SOX6: variants seen among roughly 807,000 people sequenced by gnomAD.
The protein encoded by SOX6 is SRY-box transcription factor 6.
Under a neutral mutation model 97.8 loss-of-function variants are expected in SOX6, and 11 were observed. The ratio of observed to expected loss-of-function variants is 0.11; its 90% CI spans 0.07 to 0.19. The LOEUF is 0.19. Ranked by LOEUF, SOX6 falls within the 10% of genes least tolerant of loss-of-function variation. The pLI is 1.00. For missense variants in SOX6, 810 were observed against 1,039.5 expected, an observed-to-expected ratio of 0.78 and a Z score of 3.04; for synonymous variants, 360 against 371.4, an observed-to-expected ratio of 0.97 and a Z score of 0.35.
intron 1 of SOX6, among the ~76,000 whole-genome samples, chr11:16,470,589 T>C (rs1174737348): frequency 6.6e-6 from 1 of 152,144 alleles, no homozygotes; most frequent in Admixed American, 6.5e-5. Context: ...GAAGCGTCTC[T>C]ACAATCTCCT....
chr11:16,400,654 C>A (rs1323073756), intron 1 of SOX6, among the ~76,000 whole-genome samples: 1 of 151,316 alleles, frequency 6.6e-6, no homozygotes, highest in African/African-American at 2.4e-5. Context: ...ATGATCCAAT[C>A]TTGCAGAAAA....
At chr11:16,514,351 C>T (rs1471093023) in intron 4 of SOX6, among the ~76,000 whole-genome samples, 1 of 152,004 alleles carries the variant, frequency 6.6e-6, no homozygotes, top group East Asian at 1.9e-4. Context: ...AGTAGGTCAG[C>T]CCAAAAGAAA....
intron 9 of SOX6, among the ~76,000 whole-genome samples, chr11:16,092,262 C>T (rs1387820878): frequency 6.6e-6 from 1 of 151,760 alleles, no homozygotes; most frequent in Admixed American, 6.6e-5. Context: ...TTGGGGGGGA[C>T]AGGTTTGAAT....
At chr11:16,179,501 T>C (rs1476315227) in intron 6 of SOX6, among the ~76,000 whole-genome samples, 1 of 151,902 alleles carries the variant, frequency 6.6e-6, no homozygotes, top group East Asian at 1.9e-4. Context: ...TTTCAACATT[T>C]AAAAGAAAAA....
chr11:16,672,286 C>T (rs2134025006), intron 3 of SOX6, among the ~76,000 whole-genome samples: 1 of 152,268 alleles, frequency 6.6e-6, no homozygotes, highest in African/African-American at 2.4e-5. Context: ...AGGATCAAAC[C>T]CACACATATC....
rs887977261 is a variant in SOX6 at position 15,968,088 on chromosome 11, A to T, written c.*4721T>A. ...GATATGGCATCAGAAACAGAACATC[A>T]TTGGCAGGAATAACAGACAGAAGTT... On this transcript the variant is annotated 3_prime_UTR_variant, in exon 16 of 16. Transcript: ENST00000683767. 4.6e-5 allele frequency: 7 copies of T among 152,226 alleles called. No homozygotes were observed. Among genetic ancestry groups the T allele is most frequent in the African/African-American group, 1.4e-4 (6 of 41,462 alleles). 9.4% of individuals were successfully genotyped at this position (152,226 alleles called of 1,614,324 possible). A position where few individuals can be genotyped will look rare whatever the true frequency, so the allele number is the denominator to read the frequency against.
At chr11:16,567,176 G>A (rs1847881298) in intron 4 of SOX6, among the ~76,000 whole-genome samples, 1 of 152,210 alleles carries the variant, frequency 6.6e-6, no homozygotes, top group Non-Finnish European at 1.5e-5. Context: ...GAGTGAAAAT[G>A]TGTGGTGGGC....
chr11:15,972,938 G>T lies in SOX6; in HGVS notation c.2358C>A (p.Gly786=). The change falls in exon 16 of 16, where the codon GGC becomes GGA. Residue 786 remains glycine, a synonymous_variant. Transcript: ENST00000683767. The part of the protein sequence containing the change: ...IQSTYGMKTD[G]GSLAGNEMIN... ...TCATTTCATTTCCAGCTAGGCTTCCGCCATCTGTCTTCATACCATAAGTGC... is the reference window on the plus strand; with the variant it reads ...TCATTTCATTTCCAGCTAGGCTTCCTCCATCTGTCTTCATACCATAAGTGC... 5 of 1,614,098 alleles carry T rather than the reference G, an allele frequency of 3.1e-6. No homozygotes were observed. The South Asian group carries it at 4.4e-5, about 14-fold the overall frequency.
chr11:16,158,582 G>A (rs1850662429), intron 6 of SOX6, among the ~76,000 whole-genome samples: 1 of 151,990 alleles, frequency 6.6e-6, no homozygotes. Flanking sequence ...TATGTGTGGA[G>A]AGGGGGCACC....
intron 3 of SOX6, among the ~76,000 whole-genome samples, chr11:16,632,399 T>C (rs1848721090): frequency 6.6e-6 from 1 of 152,182 alleles, no homozygotes; most frequent in South Asian, 2.1e-4. Context: ...ATGGCACTTA[T>C]CAATAACAGT....
At chr11:16,073,620 C>T (rs1291589135) in intron 9 of SOX6, among the ~76,000 whole-genome samples, 1 of 151,932 alleles carries the variant, frequency 6.6e-6, no homozygotes, top group Non-Finnish European at 1.5e-5. Context: ...CTCCACCCCA[C>T]AAAAAAACAG....
At chr11:16,275,261 GA>G in intron 3 of SOX6, among the ~76,000 whole-genome samples, 1 of 137,424 alleles carries the variant, frequency 7.3e-6, no homozygotes, top group East Asian at 2.1e-4. Flanking sequence ...CTAACATGGT[GA>G]AACTTCATCT....
intron 6 of SOX6, among the ~76,000 whole-genome samples, chr11:16,146,705 C>T (rs1470824025): frequency 6.6e-6 from 1 of 152,164 alleles, no homozygotes; most frequent in African/African-American, 2.4e-5. Context: ...TATGAACAGA[C>T]ACTTCTCAAA....
intron 6 of SOX6, among the ~76,000 whole-genome samples, chr11:16,134,483 A>C (rs1459477670): frequency 6.6e-6 from 1 of 152,220 alleles, no homozygotes; most frequent in African/African-American, 2.4e-5. Context: ...TGCACTTCAC[A>C]GGTAATGTGT....
intron 1 of SOX6, among the ~76,000 whole-genome samples, chr11:16,405,483 CTGTT>C (rs1858665099): frequency 6.6e-6 from 1 of 152,028 alleles, no homozygotes; most frequent in Non-Finnish European, 1.5e-5. Flanking sequence ...AGGGACGTGA[CTGTT>C]TGGATGTGTT....
At chr11:16,233,189 G>T (rs1229684148) in intron 4 of SOX6, among the ~76,000 whole-genome samples, 1 of 152,080 alleles carries the variant, frequency 6.6e-6, no homozygotes, top group Non-Finnish European at 1.5e-5. Context: ...ACCTAAAGTT[G>T]TTGGATAAAT....
chr11:16,093,143 A>T (rs1848727404), intron 9 of SOX6, among the ~76,000 whole-genome samples: 1 of 152,018 alleles, frequency 6.6e-6, no homozygotes, highest in African/African-American at 2.4e-5. Flanking sequence ...AAGCATTGTA[A>T]CCTTAGAGTT....
intron 4 of SOX6, among the ~76,000 whole-genome samples, chr11:16,568,425 G>A (rs979667372): frequency 6.6e-6 from 1 of 152,170 alleles, no homozygotes; most frequent in African/African-American, 2.4e-5. Flanking sequence ...AGCAGATTTG[G>A]GGAGAAGGGA....
chr11:16,421,030 A>C (rs1374879310), intron 1 of SOX6, among the ~76,000 whole-genome samples: 1 of 152,188 alleles, frequency 6.6e-6, no homozygotes, highest in Non-Finnish European at 1.5e-5. Flanking sequence ...TACTTTAGTG[A>C]CAATGTGAGA....
Sources: allele counts gnomAD v4.1 joint callset (sites outside exome capture counted in the v4.1 genomes callset), GRCh38; gene constraint gnomAD v4.1.1; transcripts MANE v1.5; gene names NCBI Gene and HGNC (gene_info 2026-07-23, HGNC 2026-07-21).